TACC1: variants seen among roughly 807,000 people sequenced by gnomAD.
TACC1 encodes the protein transforming acidic coiled-coil containing protein 1.
TACC1 carries 48 observed loss-of-function variants against 84.4 expected under a neutral mutation model. The ratio of observed to expected loss-of-function variants is 0.57; its 90% CI spans 0.45 to 0.72. The LOEUF (loss-of-function observed/expected upper bound fraction) is 0.72. TACC1 is among the 30% of genes least tolerant of loss of function. The pLI, the probability that TACC1 is intolerant of heterozygous loss-of-function variation, is 0.00. For missense variants in TACC1, 920 were observed against 973.0 expected, an observed-to-expected ratio of 0.95 and a Z score of 0.72; for synonymous variants, 372 against 376.3, an observed-to-expected ratio of 0.99 and a Z score of 0.13.
intron 2 of TACC1, among the ~76,000 whole-genome samples, chr8:38,789,370 CACTT>C (rs1016625365): frequency 3.9e-5 from 6 of 152,186 alleles, no homozygotes; most frequent in Admixed American, 3.9e-4. Flanking sequence ...TCCGTTGTCT[CACTT>C]AATTAGTAGA....
chr8:38,765,261 G>A (rs917469520), intron 3 of TACC1, among the ~76,000 whole-genome samples: 1 of 151,806 alleles, frequency 6.6e-6, no homozygotes, highest in Non-Finnish European at 1.5e-5. Flanking sequence ...CACATGTATT[G>A]GGCACTTGAT....
chr8:38,807,950 C>T (rs1344014866), intron 2 of TACC1, among the ~76,000 whole-genome samples: 2 of 152,272 alleles, frequency 1.3e-5, no homozygotes, highest in East Asian at 3.9e-4. Flanking sequence ...CACCCGTGGG[C>T]GATTCACACA....
At chr8:38,752,699 T>C (rs1034552654) in intron 3 of TACC1, among the ~76,000 whole-genome samples, 1 of 152,070 alleles carries the variant, frequency 6.6e-6, no homozygotes, top group Non-Finnish European at 1.5e-5. Context: ...GCTGCCTCCT[T>C]CCCTCTCTTT....
At chr8:38,789,388 C>CT (rs1412349583) in intron 2 of TACC1, among the ~76,000 whole-genome samples, 1 of 152,158 alleles carries the variant, frequency 6.6e-6, no homozygotes, top group African/African-American at 2.4e-5. Context: ...TAGTAGAAAC[C>CT]TTTTTTGTCA....
intron 2 of TACC1, among the ~76,000 whole-genome samples, chr8:38,792,506 C>G (rs1818913872): frequency 6.6e-6 from 1 of 151,928 alleles, no homozygotes; most frequent in African/African-American, 2.4e-5. Flanking sequence ...CGCTCTGTTG[C>G]CCTGGCTGAA....
At chr8:38,728,957 C>T (rs1374884338) in intron 1 of TACC1, among the ~76,000 whole-genome samples, 4 of 152,136 alleles carry the variant, frequency 2.6e-5, no homozygotes, top group Non-Finnish European at 5.9e-5. Context: ...CCTGATTTTG[C>T]TCTTTTCTTT....
At position 38,846,442 on chromosome 8, in the gene TACC1, A is replaced by C. The variant is rs1832308423; in HGVS notation, c.2229-257A>C. 3 of 281,808 alleles carry C rather than the reference A, an allele frequency of 1.1e-5. No individual in the cohort carries two copies. The Admixed American group carries it at 1.5e-4, about 14-fold the overall frequency. 17.5% of individuals were successfully genotyped at this position (281,808 alleles called of 1,614,324 possible). A position where few individuals can be genotyped will look rare whatever the true frequency, so the allele number is the denominator to read the frequency against. ...GCAGTCTGCTTTTGTACTGGTCTAA[A>C]AAAAAAAAAAAAATCTAAGACTGTT... On this transcript the variant is annotated intron_variant, in intron 11 of 12. Coordinates refer to ENST00000317827, the MANE Select transcript of TACC1 (RefSeq NM_006283.3).
intron 2 of TACC1, among the ~76,000 whole-genome samples, chr8:38,819,188 A>G (rs886645200): frequency 6.6e-6 from 1 of 152,224 alleles, no homozygotes; most frequent in Non-Finnish European, 1.5e-5. Context: ...CCTCCAGACC[A>G]GTTTTACCCT....
intron 2 of TACC1, among the ~76,000 whole-genome samples, chr8:38,797,840 G>T (rs1820346508): frequency 6.6e-6 from 1 of 152,202 alleles, no homozygotes; most frequent in Non-Finnish European, 1.5e-5. Context: ...GCCAGAATAG[G>T]TTGGGGATGG....
In TACC1 at chr8:38,787,473, T is replaced by C; in HGVS notation, c.-110T>C. 7.2e-7 allele frequency: 1 copy of C among 1,396,978 alleles called. No homozygotes were observed. 86.5% of individuals were successfully genotyped at this position (1,396,978 alleles called of 1,614,324 possible). A position where few individuals can be genotyped will look rare whatever the true frequency, so the allele number is the denominator to read the frequency against. On this transcript the variant is annotated 5_prime_UTR_variant, in exon 1 of 13. Coordinates refer to ENST00000317827, the MANE Select transcript of TACC1 (RefSeq NM_006283.3). ...CGTTTAACCACATCCGCGCCTCTGC[T>C]GGAAACGCTTGCTGGCGCCTGTCAC...
intron 1 of TACC1, chr8:38,742,268 T>C: frequency 1.9e-6 from 1 of 530,232 alleles, no homozygotes; most frequent in South Asian, 5.4e-5. Context: ...AAAGTGAGCC[T>C]TAGGCAAAAG....
chr8:38,733,768 T>C (rs2151620092), intron 1 of TACC1, among the ~76,000 whole-genome samples: 1 of 151,908 alleles, frequency 6.6e-6, no homozygotes, highest in South Asian at 2.1e-4. Flanking sequence ...CCTTCCTTCC[T>C]CACCTCCAGG....
intron 3 of TACC1, among the ~76,000 whole-genome samples, chr8:38,774,968 A>G (rs577002135): frequency 1.8e-3 from 264 of 145,974 alleles, no homozygotes; most frequent in Non-Finnish European, 1.8e-3. Flanking sequence ...CGAAGATCGC[A>G]CCACTGCACT....
chr8:38,782,579 A>G (rs1043549042), upstream of TACC1, among the ~76,000 whole-genome samples: 12 of 152,208 alleles, frequency 7.9e-5, no homozygotes, highest in Non-Finnish European at 1.6e-4. Context: ...TTTAATGCCT[A>G]GTCTGCTCGA....
intron 2 of TACC1, among the ~76,000 whole-genome samples, chr8:38,799,139 G>C (rs1054467919): frequency 6.6e-6 from 1 of 152,186 alleles, no homozygotes; most frequent in Non-Finnish European, 1.5e-5. Flanking sequence ...GATTCAGTGT[G>C]GGGGAGGAGA....
chr8:38,815,431 G>T (rs6474504), intron 2 of TACC1, among the ~76,000 whole-genome samples: 82,030 of 151,916 alleles, frequency 0.54, 22,356 homozygotes, highest in Middle Eastern at 0.59. Context: ...TTGTTTGTTT[G>T]TTTTTGAGAC....
chr8:38,759,686 A>G (rs1010831961), intron 3 of TACC1, among the ~76,000 whole-genome samples: 33 of 152,210 alleles, frequency 2.2e-4, no homozygotes, highest in Admixed American at 1.3e-4. Flanking sequence ...AAGCACATAA[A>G]CACATGCAGT....
At chr8:38,822,876 A>G (rs1827189131) in intron 3 of TACC1, among the ~76,000 whole-genome samples, 1 of 152,228 alleles carries the variant, frequency 6.6e-6, no homozygotes, top group Non-Finnish European at 1.5e-5. Context: ...CATCGTATGC[A>G]TGACTGAAAT....
In TACC1 at chr8:38,834,255, C is replaced by T. The variant is rs996480122; in HGVS notation, c.1714-1907C>T. ...CACTCATGTGGTTGTTGGCAAGTCT[C>T]GGGTCCCCACTGGCTATTGGCAGAG... On this transcript the variant is annotated intron_variant, in intron 6 of 12. Transcript: ENST00000317827. Among the ~76,000 whole-genome samples, 14 of 152,188 alleles carry T rather than the reference C, an allele frequency of 9.2e-5. No homozygotes were observed. In the South Asian group the frequency reaches 1.2e-3, roughly 14 times the overall value.
Sources: gnomAD v4.1 joint callset for allele counts (sites outside exome capture counted in the v4.1 genomes callset) on GRCh38, gnomAD v4.1.1 for gene constraint, MANE v1.5 for transcripts, NCBI Gene and HGNC (gene_info 2026-07-23, HGNC 2026-07-21) for gene names.